Variants in RILPL1 observed in about 807,000 individuals in gnomAD.
RILPL1 encodes RILP-like protein 1.
A neutral mutation model predicts 50.3 loss-of-function variants in RILPL1; 33 were observed. The ratio of observed to expected loss-of-function variants is 0.66; its 90% CI spans 0.50 to 0.88. The LOEUF (loss-of-function observed/expected upper bound fraction) is 0.88. RILPL1 is among the 40% of genes least tolerant of loss of function. The pLI is 0.00. For synonymous variants in RILPL1, 205 were observed against 228.6 expected (o/e 0.90, Z 0.93); for missense variants, 418 against 542.5 (o/e 0.77, Z 2.28).
chr12:123,485,302 C>T lies in RILPL1; in HGVS notation c.974+331G>A, dbSNP rs577841260. 49 of 459,108 alleles carry T rather than the reference C, an allele frequency of 1.1e-4. No homozygotes were observed. The highest frequency in any genetic ancestry group is 8.5e-4 in the African/African-American group (43 of 50,306). The allele number at this position is 459,108 out of a possible 1,614,324, so 28.4% of individuals were successfully genotyped here. A position where few individuals can be genotyped will look rare whatever the true frequency, so the allele number is the denominator to read the frequency against. ...CCACATAGACCATTAACACCGGGGC[C>T]GGGTTTCATTCATTCATTCATTTAA... On this transcript the variant is annotated intron_variant, in intron 5 of 6. Coordinates refer to ENST00000376874, the MANE Select transcript of RILPL1 (RefSeq NM_178314.5). The surrounding 1 kb of genome is among the most constrained non-coding windows in gnomAD (Gnocchi z 4.0).
chr12:123,525,700 CAAAAA>C (rs1207503097), intron 1 of RILPL1, among the ~76,000 whole-genome samples: 6 of 44,988 alleles, frequency 1.3e-4, no homozygotes, highest in Admixed American at 3.3e-4. Context: ...GACACTGTCT[CAAAAA>C]AAAAAAAAAA....
At chr12:123,516,033 C>CAAAAAAAAAAAAAAAAAAAAAAAA (rs749657516) in intron 2 of RILPL1, among the ~76,000 whole-genome samples, 2 of 36,192 alleles carry the variant, frequency 5.5e-5, no homozygotes, top group Non-Finnish European at 1.1e-4. Context: ...GACTCTGTCT[C>CAAAAAAAAAAAAAAAAAAAAAAAA]AAAAAAAAAA....
chr12:123,475,697 G>A (rs1300683182), intron 6 of RILPL1: 2 of 1,594,134 alleles, frequency 1.3e-6, no homozygotes, highest in Non-Finnish European at 1.7e-6. Flanking sequence ...CTGCAGTGTG[G>A]GGTCATCTAT....
At chr12:123,525,254 G>C (rs1156346059) in intron 1 of RILPL1, among the ~76,000 whole-genome samples, 1 of 151,886 alleles carries the variant, frequency 6.6e-6, no homozygotes, top group Non-Finnish European at 1.5e-5. Context: ...GTCTTGTTCT[G>C]TCACCCAGGC....
chr12:123,525,858 T>C (rs1885233300), intron 1 of RILPL1, among the ~76,000 whole-genome samples: 1 of 151,722 alleles, frequency 6.6e-6, no homozygotes, highest in African/African-American at 2.4e-5. Context: ...AGTGTACACT[T>C]TAAATGAGTG....
At chr12:123,480,905 C>A (rs1881939784) in intron 6 of RILPL1, among the ~76,000 whole-genome samples, 1 of 152,100 alleles carries the variant, frequency 6.6e-6, no homozygotes, top group African/African-American at 2.4e-5. Flanking sequence ...GTGCTCTGAG[C>A]GTCAAGGGTG....
At chr12:123,480,091 C>T (rs1294937240) in intron 6 of RILPL1, among the ~76,000 whole-genome samples, 2 of 151,220 alleles carry the variant, frequency 1.3e-5, no homozygotes, top group Admixed American at 6.6e-5. Context: ...TACATATGAC[C>T]GTGGGTGCTG....
Position 123,518,170 on chromosome 12 carries a change from T to C in RILPL1, c.460+5325A>G, listed in dbSNP as rs905986200. 1.3e-3 allele frequency among the ~76,000 whole-genome samples: 200 copies of C among 152,072 alleles called. 2 individuals are homozygous for C. Among genetic ancestry groups the C allele is most frequent in the Non-Finnish European group, 1.3e-4 (9 of 68,026 alleles). ...GATGGTGGTGGCGGCTGCACAAGAC[T>C]GTGAATGTACTTAATGCCTCTGAAC... On this transcript the variant is annotated intron_variant, in intron 2 of 6. Coordinates refer to ENST00000376874, the MANE Select transcript of RILPL1 (RefSeq NM_178314.5).
rs532514116 is a variant in RILPL1, at chr12:123,485,498, T to C, written c.974+135A>G. On this transcript the variant is annotated intron_variant, in intron 5 of 6. Transcript: ENST00000376874. This position sits in a 1 kb window ranked among gnomAD's most constrained non-coding sequence, Gnocchi z 4.0. Reference sequence around the variant, plus strand: ...GTTGTGAGCTTGTATGTAAGTTCTTTAGGCCAGAGAGGGTACCCAAAAAAA... The same window carrying C: ...GTTGTGAGCTTGTATGTAAGTTCTTCAGGCCAGAGAGGGTACCCAAAAAAA... 1.0e-5 allele frequency: 8 copies of C among 796,376 alleles called. No homozygotes were observed. Among genetic ancestry groups the C allele is most frequent in the Non-Finnish European group, 1.4e-5 (7 of 500,542 alleles). The allele number at this position is 796,376 out of a possible 1,614,324, so 49.3% of individuals were successfully genotyped here. A position where few individuals can be genotyped will look rare whatever the true frequency, so the allele number is the denominator to read the frequency against.
At chr12:123,474,479 G>T (rs901221339) in intron 6 of RILPL1, 1 of 152,268 alleles carries the variant, frequency 6.6e-6, no homozygotes, top group African/African-American at 2.4e-5. Context: ...AGCCTCCCAA[G>T]CAGCTGGGAT....
intron 2 of RILPL1, among the ~76,000 whole-genome samples, chr12:123,500,426 A>C (rs1883306273): frequency 6.6e-6 from 1 of 151,744 alleles, no homozygotes; most frequent in Non-Finnish European, 1.5e-5. Context: ...TCGAGGCAAC[A>C]GACATGTGCT....
At chr12:123,513,138 CCGTG>C (rs1467901984) in intron 2 of RILPL1, among the ~76,000 whole-genome samples, 24 of 126,994 alleles carry the variant, frequency 1.9e-4, no homozygotes, top group African/African-American at 7.2e-4. Flanking sequence ...TGTGTGAGGT[CCGTG>C]TGTGTGTGGT....
rs530381145 is a variant in RILPL1, at chr12:123,512,386, G to A, written c.460+11109C>T. Among the ~76,000 whole-genome samples, 400 of 137,374 alleles carry A rather than the reference G, an allele frequency of 2.9e-3. 1 individual carries two copies. The highest frequency in any genetic ancestry group is 4.6e-3 in the Non-Finnish European group (295 of 63,914). The allele number at this position is 137,374 out of a possible 152,430, so 90.1% of individuals were successfully genotyped here. On this transcript the variant is annotated intron_variant, in intron 2 of 6. Coordinates refer to ENST00000376874, the MANE Select transcript of RILPL1 (RefSeq NM_178314.5). ...TGTGTGTGTGGTGTGTCTGAGGTCT[G>A]TGTGTGTGGTGTGTGAGGTCTGTGT...
intron 2 of RILPL1, among the ~76,000 whole-genome samples, chr12:123,517,273 C>T (rs953072249): frequency 2.6e-5 from 4 of 151,942 alleles, no homozygotes; most frequent in South Asian, 4.2e-4. Flanking sequence ...TGCTGATGCC[C>T]GACTATGAAT....
At chr12:123,487,756 T>C (rs1882442263) in intron 4 of RILPL1, among the ~76,000 whole-genome samples, 1 of 152,220 alleles carries the variant, frequency 6.6e-6, no homozygotes, top group African/African-American at 2.4e-5. Flanking sequence ...GTGTGGACAC[T>C]TGTTTTCAGT....
rs886668460 is a variant in RILPL1, at chr12:123,533,666, G to A, written c.-184C>T. ...GGCGCGGGCACGGGCGGCGGCGCGG[G>A]GTGTGCGGGCCCGGGGTCTGGGCGC... On this transcript the variant is annotated 5_prime_UTR_variant, in exon 1 of 7. Coordinates refer to ENST00000376874, the MANE Select transcript of RILPL1 (RefSeq NM_178314.5). This position sits in a 1 kb window ranked among gnomAD's most constrained non-coding sequence, Gnocchi z 6.2. The A allele has an allele frequency of 5.3e-6, 1 of 188,666 alleles. No homozygotes were observed. The highest frequency in any genetic ancestry group is 2.4e-5 in the African/African-American group (1 of 41,590). The allele number at this position is 188,666 out of a possible 1,614,324, so 11.7% of individuals were successfully genotyped here. A position where few individuals can be genotyped will look rare whatever the true frequency, so the allele number is the denominator to read the frequency against.
chr12:123,504,796 T>C (rs1003756426), intron 2 of RILPL1, among the ~76,000 whole-genome samples: 62 of 152,208 alleles, frequency 4.1e-4, no homozygotes, highest in African/African-American at 1.4e-3. Flanking sequence ...TCTCAAAGTC[T>C]TACAGCCAAA....
chr12:123,509,231 G>A (rs1883938730), intron 2 of RILPL1, among the ~76,000 whole-genome samples: 1 of 152,096 alleles, frequency 6.6e-6, no homozygotes, highest in African/African-American at 2.4e-5. Context: ...AAGAAAATGT[G>A]GTCTGTCCAT....
intron 2 of RILPL1, among the ~76,000 whole-genome samples, chr12:123,501,049 A>G (rs1327048690): frequency 6.6e-6 from 1 of 151,984 alleles, no homozygotes; most frequent in Non-Finnish European, 1.5e-5. Flanking sequence ...TGGAGGTTGC[A>G]GTGAGCCGAG....
Sources: gnomAD v4.1 joint callset for allele counts (sites outside exome capture counted in the v4.1 genomes callset) on GRCh38, gnomAD v4.1.1 for gene constraint, Gnocchi (gnomAD v3.1) non-coding constraint, MANE v1.5 for transcripts, NCBI Gene and HGNC (gene_info 2026-07-23, HGNC 2026-07-21) for gene names.